Variants in FAM91A1 observed in about 807,000 individuals in gnomAD.
FAM91A1 encodes the protein protein FAM91A1.
In FAM91A1, 41 loss-of-function variants were observed where a neutral mutation model predicts 113.5. The ratio of observed to expected loss-of-function variants is 0.36; its 90% CI spans 0.28 to 0.47. The LOEUF is 0.47. Among genes scored for constraint, FAM91A1 ranks in the 20% least tolerant of loss-of-function variants. The probability of loss-of-function intolerance (pLI) is 1.00; values close to 1 mark genes in which losing one functional copy is unlikely to be tolerated. For missense variants in FAM91A1, 696 were observed against 1,001.2 expected (o/e 0.70, Z 4.11); for synonymous variants, 307 against 347.9 (o/e 0.88, Z 1.31).
At chr8:123,777,671 A>G (rs939069302) in intron 4 of FAM91A1, among the ~76,000 whole-genome samples, 1 of 152,226 alleles carries the variant, frequency 6.6e-6, no homozygotes, top group Admixed American at 6.5e-5. Flanking sequence ...GTTTTTAGTA[A>G]CTTAACTTGC....
chr8:123,774,269 G>A, intron 2 of FAM91A1, 105 bp downstream of exon 2: 1 of 884,908 alleles, frequency 1.1e-6, no homozygotes, highest in South Asian at 1.9e-5. Flanking sequence ...ATTATTCCAT[G>A]TACAGACTTT....
rs568774129 is a variant in FAM91A1 at position 123,794,833 on chromosome 8, G to A, written c.1412-3257G>A. On this transcript the variant is annotated intron_variant, in intron 15 of 23. Coordinates refer to ENST00000334705, the MANE Select transcript of FAM91A1 (RefSeq NM_144963.4). ...AAGAAAAAGTTGAATTGCGTGGTAT[G>A]TACTGCAGATTGAGATCTGCAGCTG... is the stretch of plus-strand genomic sequence containing the variant. Among the ~76,000 whole-genome samples, 4 of 152,344 alleles carry A rather than the reference G, an allele frequency of 2.6e-5. No homozygotes were observed. In the East Asian group the frequency reaches 7.7e-4, roughly 29 times the overall value.
In FAM91A1 at chr8:123,808,893, G is replaced by T. The variant is rs1482032582; in HGVS notation, c.2138G>T (p.Gly713Val). 5.6e-6 allele frequency: 9 copies of T among 1,608,720 alleles called. No homozygotes were observed. Among genetic ancestry groups the T allele is most frequent in the Non-Finnish European group, 7.6e-6 (9 of 1,177,712 alleles). The change falls in exon 22 of 24, where the codon GGT becomes GTT. Residue 713 changes from glycine to valine, a missense_variant and splice_region_variant. Physicochemically the swap from Gly to Val is moderately radical, Grantham distance 109. Coordinates refer to ENST00000334705, the MANE Select transcript of FAM91A1 (RefSeq NM_144963.4). ...AATAAGTTTATGTATCCTTTCTTAG[G>T]TGCCACAACAGAAGCAGATTGGGTT... ...TIDSATKQTSGATTEADWVPL... is the reference protein window; with the variant it reads ...TIDSATKQTSVATTEADWVPL...
chr8:123,804,348 G>A (rs1346263516), intron 18 of FAM91A1, among the ~76,000 whole-genome samples: 6 of 151,712 alleles, frequency 4.0e-5, no homozygotes, highest in African/African-American at 1.2e-4. Flanking sequence ...ATAGTTAGCC[G>A]GGTGTGGTGG....
Position 123,808,922 on chromosome 8 carries a change from C to T in FAM91A1, c.2167C>T (p.Leu723Phe). ...GATTEADWVPLELCFGIPLFS... is the reference protein window; with the variant it reads ...GATTEADWVPFELCFGIPLFS... ...CACAACAGAAGCAGATTGGGTTCCT[C>T]TCGAGCTGTGCTTTGGAATTCCACT... Residue 723 changes from leucine (L) to phenylalanine (F), a missense_variant, in exon 22 of 24, where the codon CTC (leucine) becomes TTC (phenylalanine). Transcript: ENST00000334705. The T allele has an allele frequency of 6.2e-7, 1 of 1,611,800 alleles. No individual in the cohort carries two copies. The highest frequency in any genetic ancestry group is 8.5e-7 in the Non-Finnish European group (1 of 1,179,098).
chr8:123,772,402 G>A (rs1021174580), intron 1 of FAM91A1, among the ~76,000 whole-genome samples: 2 of 152,194 alleles, frequency 1.3e-5, no homozygotes, highest in Non-Finnish European at 2.9e-5. Flanking sequence ...CTTTAAAAGT[G>A]TGCTATTTTG....
intron 20 of FAM91A1, among the ~76,000 whole-genome samples, chr8:123,807,480 CAAA>C (rs546080328): frequency 1.7e-5 from 1 of 58,952 alleles, no homozygotes; most frequent in Non-Finnish European, 3.5e-5. Flanking sequence ...CCTGTCTCTA[CAAA>C]AAAAAAAAAA....
At chr8:123,797,010 G>A (rs1401761585) in intron 15 of FAM91A1, among the ~76,000 whole-genome samples, 2 of 151,666 alleles carry the variant, frequency 1.3e-5, no homozygotes, top group Non-Finnish European at 2.9e-5. Context: ...GCAGGGAGCC[G>A]AGATGGCGCC....
chr8:123,783,668 C>A (rs1815180118), intron 8 of FAM91A1, among the ~76,000 whole-genome samples: 1 of 152,202 alleles, frequency 6.6e-6, no homozygotes, highest in Non-Finnish European at 1.5e-5. Flanking sequence ...ATTCCTCCTT[C>A]TCAGGATATT....
chr8:123,772,929 A>G (rs1336521489), intron 1 of FAM91A1, among the ~76,000 whole-genome samples: 2 of 152,176 alleles, frequency 1.3e-5, no homozygotes, highest in African/African-American at 2.4e-5. Context: ...AGAGGTCTTC[A>G]TCCTTCTCTT....
At chr8:123,774,226 C>T in intron 2 of FAM91A1, 62 bp downstream of exon 2, 1 of 1,321,438 alleles carries the variant, frequency 7.6e-7, no homozygotes, top group Non-Finnish European at 1.1e-6. Flanking sequence ...ATTCGTAAAT[C>T]TTTCTTTTCA....
intron 4 of FAM91A1, among the ~76,000 whole-genome samples, 200 bp from the exon 5 acceptor site, chr8:123,777,825 A>G (rs1483987111): frequency 6.6e-6 from 1 of 152,164 alleles, no homozygotes; most frequent in Non-Finnish European, 1.5e-5. Context: ...TTTTGTTAGA[A>G]GTGTCATCTT....
intron 14 of FAM91A1, 47 bp downstream of exon 14, chr8:123,787,797 G>A: frequency 2.7e-6 from 4 of 1,466,120 alleles, no homozygotes; most frequent in Non-Finnish European, 3.8e-6. Flanking sequence ...TTTGGAATCT[G>A]TCCTTGCTTG....
chr8:123,773,946 T>C, intron 1 of FAM91A1, 134 bp from the exon 2 acceptor site: 1 of 653,028 alleles, frequency 1.5e-6, no homozygotes, highest in Non-Finnish European at 2.6e-6. Flanking sequence ...TAAGAAAATA[T>C]TTTTTATTTA....
At chr8:123,788,616 T>C (rs1316264811) in intron 14 of FAM91A1, among the ~76,000 whole-genome samples, 1 of 152,190 alleles carries the variant, frequency 6.6e-6, no homozygotes, top group African/African-American at 2.4e-5. Flanking sequence ...CATTTATTTC[T>C]TCATGCTTCT....
intron 15 of FAM91A1, among the ~76,000 whole-genome samples, chr8:123,791,743 C>T (rs1410975989): frequency 5.3e-5 from 8 of 152,238 alleles, no homozygotes; most frequent in Non-Finnish European, 1.0e-4. Context: ...ACATTAGTAC[C>T]GTTCTCAATG....
rs148317315 is a variant in FAM91A1, at chr8:123,784,720, C to A, written c.810+144C>A. Reference sequence around the variant, plus strand: ...ATTATTACACTTAAATGTCATTATTCTTAACGTTCTTATAAATGTATATTA... The same window carrying A: ...ATTATTACACTTAAATGTCATTATTATTAACGTTCTTATAAATGTATATTA... On this transcript the variant is annotated intron_variant, in intron 9 of 23. Coordinates refer to ENST00000334705, the MANE Select transcript of FAM91A1 (RefSeq NM_144963.4). 572 of 483,382 alleles carry A rather than the reference C, an allele frequency of 1.2e-3. 4 individuals are homozygous for A. The highest frequency in any genetic ancestry group is 0.01 in the African/African-American group (504 of 49,174). 29.9% of individuals were successfully genotyped at this position (483,382 alleles called of 1,614,324 possible). A position where few individuals can be genotyped will look rare whatever the true frequency, so the allele number is the denominator to read the frequency against.
chr8:123,812,285 T>G, intron 23 of FAM91A1: 1 of 356,904 alleles, frequency 2.8e-6, no homozygotes, highest in Non-Finnish European at 5.0e-6. Context: ...TCTCGTAGCC[T>G]CTTATTTCTA....
At chr8:123,812,392 A>AGG in intron 23 of FAM91A1, 127 bp from the exon 24 acceptor site, 1 of 501,318 alleles carries the variant, frequency 2.0e-6, no homozygotes, top group African/African-American at 2.7e-5. Flanking sequence ...AGATCTTTGC[A>AGG]TCTCCTGTAC....
Sources: allele counts gnomAD v4.1 joint callset (sites outside exome capture counted in the v4.1 genomes callset), GRCh38; gene constraint gnomAD v4.1.1; transcripts MANE v1.5; gene names NCBI Gene and HGNC (gene_info 2026-07-23, HGNC 2026-07-21).